Variants in CHD4 observed in about 807,000 individuals in gnomAD.
CHD4 encodes chromodomain helicase DNA binding protein 4.
A neutral mutation model predicts 235.5 loss-of-function variants in CHD4; 35 were observed. The ratio of observed to expected loss-of-function variants is 0.15; its 90% confidence interval spans 0.11 to 0.20. The LOEUF is 0.20. Among genes scored for constraint, CHD4 ranks in the 10% least tolerant of loss-of-function variants. CHD4 has a pLI of 1.00. For missense variants in CHD4, 1,329 were observed against 2,432.3 expected, an observed-to-expected ratio of 0.55 and a Z score of 9.54; for synonymous variants, 900 against 850.2, an observed-to-expected ratio of 1.06 and a Z score of -1.02.
rs554132173 is a variant in CHD4, at chr12:6,577,696, G to A, written c.5361+89C>T. On this transcript the variant is annotated intron_variant, in intron 37 of 39. Transcript: ENST00000544040. ...ATAGAATGAAGAAAGTGAGAACAGT[G>A]CGCTGGATGGACAGACTCCCTCTGC... 28 of 1,534,554 alleles carry A rather than the reference G, an allele frequency of 1.8e-5. No homozygotes were observed. The East Asian group carries it at 6.3e-4, about 35-fold the overall frequency.
Position 6,591,450 on chromosome 12 carries a change from A to C in CHD4, c.3340+16T>G. On this transcript the variant is annotated intron_variant, in intron 22 of 39. Transcript: ENST00000544040. ...AAATGAGGATTCCTGAAACTAAACAACTCCTTCTCTCTCACCATTGAAGCG... is the reference window on the plus strand; with the variant it reads ...AAATGAGGATTCCTGAAACTAAACACCTCCTTCTCTCTCACCATTGAAGCG... 1 of 1,599,176 alleles carries C rather than the reference A, an allele frequency of 6.3e-7. No homozygotes were observed.
intron 25 of CHD4, among the ~76,000 whole-genome samples, chr12:6,586,298 G>C (rs1022283286): frequency 1.3e-5 from 2 of 151,992 alleles, no homozygotes; most frequent in Non-Finnish European, 1.5e-5. Flanking sequence ...CTACTCGGGA[G>C]GCTGAGGCAG....
intron 15 of CHD4, among the ~76,000 whole-genome samples, 153 bp downstream of exon 15, chr12:6,594,306 A>T (rs1372484732): frequency 6.6e-6 from 1 of 152,106 alleles, no homozygotes; most frequent in Non-Finnish European, 1.5e-5. Flanking sequence ...ACTATCTACT[A>T]AACACATGTG....
At chr12:6,598,491 T>G in intron 10 of CHD4, 66 bp from the exon 11 acceptor site, 1 of 1,308,298 alleles carries the variant, frequency 7.6e-7, no homozygotes, top group Non-Finnish European at 1.1e-6. Flanking sequence ...CAGCCCACAG[T>G]CTCAACTTCA....
intron 33 of CHD4, chr12:6,580,267 A>G (rs528289858): frequency 2.6e-5 from 4 of 152,202 alleles, no homozygotes; most frequent in South Asian, 2.1e-4. Flanking sequence ...AAATAAAGTC[A>G]TAAGAGATAC....
chr12:6,595,938 C>G, intron 13 of CHD4, 68 bp downstream of exon 13: 1 of 1,497,596 alleles, frequency 6.7e-7, no homozygotes, highest in Non-Finnish European at 8.9e-7. Flanking sequence ...AGCTTGGTGA[C>G]AGAGCAAGAC....
At chr12:6,602,621 C>T in intron 2 of CHD4, 124 bp from the exon 3 acceptor site, 5 of 1,251,852 alleles carry the variant, frequency 4.0e-6, no homozygotes, top group Non-Finnish European at 5.6e-6. Context: ...AAGAGAACTG[C>T]TATACTCTGT....
At chr12:6,578,334 G>A (rs1948107116) in intron 35 of CHD4, 75 bp downstream of exon 35, 1 of 1,529,390 alleles carries the variant, frequency 6.5e-7, no homozygotes, top group African/African-American at 1.4e-5. Flanking sequence ...TAAAGTCCCT[G>A]TACCGTGGTT....
rs1439640504 is a variant in CHD4, at chr12:6,593,850, T to C, written c.2314-234A>G. Among the ~76,000 whole-genome samples, 1 of 152,204 alleles carries C rather than the reference T, an allele frequency of 6.6e-6. No individual in the cohort carries two copies. Among genetic ancestry groups the C allele is most frequent in the Non-Finnish European group, 1.5e-5 (1 of 68,030 alleles). ...CCATTAAGTCTTTATATACTTTTTTTCTGAGACGGAGTTTCACTCTTGTTG... is the reference window on the plus strand; with the variant it reads ...CCATTAAGTCTTTATATACTTTTTTCCTGAGACGGAGTTTCACTCTTGTTG... On this transcript the variant is annotated intron_variant, in intron 15 of 39. Coordinates refer to ENST00000544040, the MANE Select transcript of CHD4 (RefSeq NM_001273.5). This position sits in a 1 kb window ranked among gnomAD's most constrained non-coding sequence, Gnocchi z 4.9.
At chr12:6,604,716 G>A (rs1040822246) in intron 2 of CHD4, among the ~76,000 whole-genome samples, 3 of 152,048 alleles carry the variant, frequency 2.0e-5, no homozygotes, top group Non-Finnish European at 2.9e-5. Context: ...ATGGCAAACC[G>A]CAAACTTACT....
Position 6,592,815 on chromosome 12 carries a change from G to A in CHD4, c.2655C>T (p.Phe885=), listed in dbSNP as rs1592274342. The A allele has an allele frequency of 5.0e-6, 8 of 1,610,336 alleles. No homozygotes were observed. The East Asian group carries it at 1.8e-4, about 36-fold the overall frequency. Residue 885 remains phenylalanine (F), a splice_region_variant and synonymous_variant, in exon 18 of 40, where the codon TTC becomes TTT. Coordinates refer to ENST00000544040, the MANE Select transcript of CHD4 (RefSeq NM_001273.5). ...AHRLKNNQSK[F]FRVLNGYSLQ... ...GTGAGTAACCATTCAATACCCGGAA[G>A]AACTGGTGAAGCAGATGGAGAAAGG... is the stretch of plus-strand genomic sequence containing the variant.
chr12:6,601,978 ATCCTCCTCC>A lies in CHD4; in HGVS notation c.411_419del (p.Glu137_Glu139del), dbSNP rs71584865. ...CAGGCACCTTTGAATCATCATCATCATCCTCCTCCTCCTCCTCCTCCTTCCGCTTGGATT... is the reference window on the plus strand; with the variant it reads ...CAGGCACCTTTGAATCATCATCATCATCCTCCTCCTCCTTCCGCTTGGATT... On this transcript the variant is annotated inframe_deletion, in exon 4 of 40. Transcript: ENST00000544040. 6.6e-7 allele frequency: 1 copy of A among 1,506,512 alleles called. No individual in the cohort carries two copies. The highest frequency in any genetic ancestry group is 1.2e-5 in the South Asian group (1 of 85,916). The allele number at this position is 1,506,512 out of a possible 1,614,324, so 93.3% of individuals were successfully genotyped here. A position where few individuals can be genotyped will look rare whatever the true frequency, so the allele number is the denominator to read the frequency against.
chr12:6,601,564 G>A (rs780311117), intron 5 of CHD4, 34 bp from the exon 6 acceptor site: 4 of 1,613,076 alleles, frequency 2.5e-6, no homozygotes, highest in African/African-American at 1.3e-5. Flanking sequence ...AGAGGGAAAG[G>A]TTTAAGAATA....
At position 6,604,644 on chromosome 12, in the gene CHD4, A is replaced by G. The variant is rs143014479; in HGVS notation, c.100+1630T>C. Reference sequence around the variant, plus strand: ...GAGACAAAGACAACCCATGGAGGCAAAGGGGACATCCTTCCATGCACATGG... The same window carrying G: ...GAGACAAAGACAACCCATGGAGGCAGAGGGGACATCCTTCCATGCACATGG... On this transcript the variant is annotated intron_variant, in intron 2 of 39. Transcript: ENST00000544040. 2.1e-3 allele frequency among the ~76,000 whole-genome samples: 315 copies of G among 152,230 alleles called. 1 individual carries two copies. Among genetic ancestry groups the G allele is most frequent in the African/African-American group, 7.2e-3 (301 of 41,524 alleles).
intron 37 of CHD4, among the ~76,000 whole-genome samples, chr12:6,573,977 C>G (rs997532227): frequency 2.6e-5 from 4 of 151,960 alleles, no homozygotes; most frequent in Non-Finnish European, 4.4e-5. Flanking sequence ...GAGCCAGGAT[C>G]GCGCCACTAC....
At chr12:6,600,751 T>C (rs1565617826) in intron 7 of CHD4, 82 bp from the exon 8 acceptor site, 1 of 1,550,946 alleles carries the variant, frequency 6.4e-7, no homozygotes, top group Non-Finnish European at 8.8e-7. Flanking sequence ...ACTCTCTCAC[T>C]GGGGACACCA....
chr12:6,603,349 C>T (rs961512998), intron 2 of CHD4, among the ~76,000 whole-genome samples: 1 of 152,140 alleles, frequency 6.6e-6, no homozygotes, highest in Non-Finnish European at 1.5e-5. Context: ...ACACTGGCTC[C>T]GACTCCCTCC....
At chr12:6,595,600 C>T (rs1948476057) in intron 13 of CHD4, among the ~76,000 whole-genome samples, 170 bp from the exon 14 acceptor site, 1 of 151,982 alleles carries the variant, frequency 6.6e-6, no homozygotes, top group African/African-American at 2.4e-5. Context: ...CCAGCCTGGT[C>T]AACATGGTGA....
At chr12:6,597,818 T>C (rs1948526023) in intron 12 of CHD4, 76 bp downstream of exon 12, 1 of 1,303,246 alleles carries the variant, frequency 7.7e-7, no homozygotes, top group Non-Finnish European at 1.1e-6. Flanking sequence ...AAGTTACTGG[T>C]GACAGCCATT....
Sources: gnomAD v4.1 joint callset for allele counts (sites outside exome capture counted in the v4.1 genomes callset) on GRCh38, gnomAD v4.1.1 for gene constraint, Gnocchi (gnomAD v3.1) non-coding constraint, MANE v1.5 for transcripts, NCBI Gene and HGNC (gene_info 2026-07-23, HGNC 2026-07-21) for gene names.